The following MRTFB variants were observed in gnomAD, a reference collection of about 807,000 sequenced individuals.
MRTFB encodes myocardin-related transcription factor B.
Under a neutral mutation model 104.2 loss-of-function variants are expected in MRTFB, and 29 were observed. The ratio of observed to expected loss-of-function variants is 0.28; its 90% confidence interval spans 0.21 to 0.38. The LOEUF (loss-of-function observed/expected upper bound fraction) is 0.38. MRTFB is among the 10% of genes least tolerant of loss of function. The pLI is 1.00. For missense variants in MRTFB, 1,270 were observed against 1,341.6 expected (o/e 0.95, Z 0.83); for synonymous variants, 535 against 519.5 (o/e 1.03, Z -0.41).
At chr16:14,187,336 TC>T (rs1316827008) in intron 3 of MRTFB, among the ~76,000 whole-genome samples, 2 of 152,204 alleles carry the variant, frequency 1.3e-5, no homozygotes, top group Non-Finnish European at 2.9e-5. Flanking sequence ...TTCCTTTTTT[TC>T]TCTTCCCTCT....
At chr16:14,039,459 T>C in the MRTFB span, among the ~76,000 whole-genome samples, 1 of 152,246 alleles carries the variant, frequency 6.6e-6, no homozygotes, top group African/African-American at 2.4e-5. Flanking sequence ...CACAAGGATA[T>C]GAATACCAGA....
intron 10 of MRTFB, chr16:14,240,995 G>A (rs2151369114): frequency 4.0e-6 from 2 of 503,332 alleles, no homozygotes; most frequent in South Asian, 7.6e-5. Flanking sequence ...TTCATTGGAA[G>A]GTGAGAAAAA....
the MRTFB span, among the ~76,000 whole-genome samples, chr16:14,017,687 G>GTGTATATATA: frequency 1.5e-4 from 1 of 6,814 alleles, no homozygotes; most frequent in Admixed American, 3.1e-3. Context: ...GTGTGTGTGT[G>GTGTATATATA]TATATATATA....
chr16:14,012,192 A>G, the MRTFB span, among the ~76,000 whole-genome samples: 31 of 149,516 alleles, frequency 2.1e-4, no homozygotes, highest in East Asian at 3.5e-3. Context: ...TGCAAACTAC[A>G]GGGCAGGCAA....
At chr16:14,137,520 G>A (rs1329414190) in intron 2 of MRTFB, among the ~76,000 whole-genome samples, 1 of 152,110 alleles carries the variant, frequency 6.6e-6, no homozygotes, top group African/African-American at 2.4e-5. Context: ...GGGCATTATG[G>A]TACTTGTATC....
At chr16:14,053,246 G>A in the MRTFB span, among the ~76,000 whole-genome samples, 2 of 152,128 alleles carry the variant, frequency 1.3e-5, no homozygotes, top group Non-Finnish European at 2.9e-5. Context: ...GTGTATGTGT[G>A]TGTGTGTATA....
At chr16:14,017,711 A>ATTTTT in the MRTFB span, among the ~76,000 whole-genome samples, 67 of 33,610 alleles carry the variant, frequency 2.0e-3, 13 homozygotes, top group Non-Finnish European at 2.6e-3. Flanking sequence ...ATATATATAT[A>ATTTTT]TTTTTTTTTT....
At chr16:14,199,766 GA>G (rs2040600502) in intron 3 of MRTFB, among the ~76,000 whole-genome samples, 1 of 152,190 alleles carries the variant, frequency 6.6e-6, no homozygotes. Flanking sequence ...ATGAAATTTG[GA>G]AATAAATGTT....
the MRTFB span, chr16:14,018,808 A>G: frequency 1.3e-5 from 2 of 152,010 alleles, no homozygotes; most frequent in East Asian, 1.9e-4. Context: ...CAAAGAAGCC[A>G]CATATTTTTT....
At chr16:14,148,656 A>G (rs1009493594) in intron 3 of MRTFB, 1 of 152,526 alleles carries the variant, frequency 6.6e-6, no homozygotes, top group Non-Finnish European at 1.5e-5. Context: ...TGCCCTCACT[A>G]TTATTGACAG....
At chr16:14,122,151 TAC>T (rs1357380485) in intron 2 of MRTFB, among the ~76,000 whole-genome samples, 1 of 152,140 alleles carries the variant, frequency 6.6e-6, no homozygotes, top group Admixed American at 6.5e-5. Flanking sequence ...GTTATATATA[TAC>T]ACATAGGACA....
At chr16:14,248,630 G>A (rs1291149629) in intron 12 of MRTFB, 2 of 283,720 alleles carry the variant, frequency 7.0e-6, no homozygotes, top group Admixed American at 9.9e-5. Context: ...GAGCTATTAT[G>A]TGTAGAACTG....
intron 8 of MRTFB, among the ~76,000 whole-genome samples, chr16:14,223,654 T>G (rs758813859): frequency 6.6e-6 from 1 of 151,964 alleles, no homozygotes; most frequent in Non-Finnish European, 1.5e-5. Flanking sequence ...GGCAGATGAT[T>G]TGAAATTGAG....
chr16:14,140,861 A>G, intron 3 of MRTFB, 101 bp downstream of exon 3: 1 of 1,379,050 alleles, frequency 7.3e-7, no homozygotes, highest in Non-Finnish European at 1.0e-6. Flanking sequence ...TCAGTTCAGC[A>G]GTCTGTCATG....
chr16:14,240,587 G>C, intron 10 of MRTFB, 103 bp downstream of exon 10: 1 of 1,567,544 alleles, frequency 6.4e-7, no homozygotes, highest in Non-Finnish European at 8.8e-7. Flanking sequence ...TTTGTGCTCA[G>C]TAATGATTTT....
intron 3 of MRTFB, among the ~76,000 whole-genome samples, chr16:14,164,961 A>T (rs933647260): frequency 7.2e-5 from 11 of 152,118 alleles, no homozygotes; most frequent in African/African-American, 2.4e-4. Context: ...TTAAAAAAAA[A>T]AAAACTACCT....
chr16:14,200,557 A>T, intron 3 of MRTFB: 1 of 1,605,978 alleles, frequency 6.2e-7, no homozygotes, highest in Non-Finnish European at 8.5e-7. Context: ...GTATGGTAAC[A>T]ATTATCTTGT....
chr16:14,157,824 A>G (rs2038883180), intron 3 of MRTFB, among the ~76,000 whole-genome samples: 1 of 152,232 alleles, frequency 6.6e-6, no homozygotes, highest in South Asian at 2.1e-4. Context: ...GGAAATGTGG[A>G]AAGACTGTGT....
rs1004091789 is a variant in MRTFB at position 14,266,491 on chromosome 16, G to A, written c.*5047G>A. The A allele has an allele frequency of 3.3e-5, 5 of 152,036 alleles. No individual in the cohort carries two copies. The highest frequency in any genetic ancestry group is 4.2e-4 in the South Asian group (2 of 4,808). 9.4% of individuals were successfully genotyped at this position (152,036 alleles called of 1,614,324 possible). A position where few individuals can be genotyped will look rare whatever the true frequency, so the allele number is the denominator to read the frequency against. On this transcript the variant is annotated 3_prime_UTR_variant, in exon 17 of 17. Transcript: ENST00000571589. ...TAATCAACAAAAAATTATGGCAATC[G>A]GGGGTCCATTCATCTATTGCCTTTA...
Sources: allele counts gnomAD v4.1 joint callset (sites outside exome capture counted in the v4.1 genomes callset), GRCh38; gene constraint gnomAD v4.1.1; transcripts MANE v1.5; gene names NCBI Gene and HGNC (gene_info 2026-07-23, HGNC 2026-07-21).